The following FBXL7 variants were observed in gnomAD, a reference collection of about 807,000 sequenced individuals.
FBXL7 encodes F-box/LRR-repeat protein 7.
Under a neutral mutation model 38.3 loss-of-function variants are expected in FBXL7, and 12 were observed. That is an observed-to-expected ratio of 0.31 (90% CI 0.20 to 0.51). The LOEUF (loss-of-function observed/expected upper bound fraction) is 0.51, where lower values mean the gene tolerates loss of function less well. FBXL7 is among the 20% of genes least tolerant of loss of function. The pLI is 0.98. For missense variants in FBXL7, 567 were observed against 676.4 expected (o/e 0.84, Z 1.79); for synonymous variants, 297 against 300.9 (o/e 0.99, Z 0.13).
chr5:15,913,240 C>CTTT (rs71605517), intron 2 of FBXL7, among the ~76,000 whole-genome samples: 2,512 of 144,270 alleles, frequency 0.017, 46 homozygotes, highest in East Asian at 0.077. Context: ...ATCATATTTT[C>CTTT]TTTTTTTTTT....
intron 2 of FBXL7, among the ~76,000 whole-genome samples, chr5:15,851,271 T>C (rs911760736): frequency 9.2e-5 from 14 of 152,220 alleles, no homozygotes; most frequent in Admixed American, 7.9e-4. Flanking sequence ...TTGAAAGTGA[T>C]GCATAAATGG....
intron 1 of FBXL7, among the ~76,000 whole-genome samples, chr5:15,550,440 G>T: frequency 6.6e-6 from 1 of 152,076 alleles, no homozygotes; most frequent in East Asian, 1.9e-4. Context: ...ATAGGCCAAA[G>T]GATAGACTTC....
chr5:15,738,150 A>T (rs895679767), intron 2 of FBXL7, among the ~76,000 whole-genome samples: 1 of 152,118 alleles, frequency 6.6e-6, no homozygotes, highest in African/African-American at 2.4e-5. Context: ...GACTCTACAG[A>T]GTCACATGGC....
intron 2 of FBXL7, among the ~76,000 whole-genome samples, chr5:15,865,306 G>A (rs1467038579): frequency 6.6e-6 from 1 of 152,166 alleles, no homozygotes; most frequent in African/African-American, 2.4e-5. Flanking sequence ...GAGGTTGAAT[G>A]AGTACCATAG....
intron 2 of FBXL7, among the ~76,000 whole-genome samples, chr5:15,810,740 C>A (rs1174689764): frequency 6.6e-6 from 1 of 151,880 alleles, no homozygotes; most frequent in East Asian, 1.9e-4. Flanking sequence ...TAATACTTAC[C>A]AAAACTGAAA....
chr5:15,795,860 C>T (rs180717421), intron 2 of FBXL7, among the ~76,000 whole-genome samples: 5 of 152,248 alleles, frequency 3.3e-5, no homozygotes, highest in Admixed American at 1.3e-4. Flanking sequence ...CACACTCATC[C>T]GATTGCCACT....
rs778730953 is a variant in FBXL7, at chr5:15,928,173, C to T, written c.411C>T (p.Cys137=). Residue 137 remains cysteine (C), a synonymous_variant, in exon 3 of 4, where the codon TGC becomes TGT. Coordinates refer to ENST00000504595, the MANE Select transcript of FBXL7 (RefSeq NM_012304.5). This position sits in a 1 kb window ranked among gnomAD's most constrained non-coding sequence, Gnocchi z 4.0. ...SFLPTNQLCR[C]ARVCRRWYNL... Reference sequence around the variant, plus strand: ...TGCCCACCAACCAGCTGTGCCGCTGCGCGCGAGTGTGCCGCCGCTGGTACA... The same window carrying T: ...TGCCCACCAACCAGCTGTGCCGCTGTGCGCGAGTGTGCCGCCGCTGGTACA... 2 of 1,609,842 alleles carry T rather than the reference C, an allele frequency of 1.2e-6. No individual in the cohort carries two copies. Among genetic ancestry groups the T allele is most frequent in the East Asian group, 4.5e-5 (2 of 44,650 alleles).
At chr5:15,614,852 G>A (rs1344240819) in intron 1 of FBXL7, among the ~76,000 whole-genome samples, 1 of 152,154 alleles carries the variant, frequency 6.6e-6, no homozygotes, top group African/African-American at 2.4e-5. Context: ...AGCAGGAAGG[G>A]TCTCTCTCCT....
intron 2 of FBXL7, among the ~76,000 whole-genome samples, chr5:15,646,248 T>C (rs1378634270): frequency 6.6e-6 from 1 of 152,230 alleles, no homozygotes; most frequent in African/African-American, 2.4e-5. Context: ...ATTATTCTAG[T>C]TTCCAGTATG....
chr5:15,502,180 C>CG lies in FBXL7; in HGVS notation c.37+1473dup, dbSNP rs532234620. 4.1e-3 allele frequency among the ~76,000 whole-genome samples: 625 copies of CG among 152,148 alleles called. 1 individual carries two copies. Among genetic ancestry groups the CG allele is most frequent in the Middle Eastern group, 0.01 (3 of 294 alleles). Reference sequence around the variant, plus strand: ...TGGGTGTATGCTAGTTGAACACTGTCGGGGGGAGAAAGACAGCCCAAGGGG... The same window carrying CG: ...TGGGTGTATGCTAGTTGAACACTGTCGGGGGGGAGAAAGACAGCCCAAGGGG... On this transcript the variant is annotated intron_variant, in intron 1 of 3. Transcript: ENST00000504595.
At chr5:15,772,022 G>A (rs994071673) in intron 2 of FBXL7, among the ~76,000 whole-genome samples, 1 of 151,894 alleles carries the variant, frequency 6.6e-6, no homozygotes, top group Non-Finnish European at 1.5e-5. Flanking sequence ...CCACCCGCCT[G>A]GGCCTCCCAA....
chr5:15,512,556 G>A (rs998669461), intron 1 of FBXL7, among the ~76,000 whole-genome samples: 2 of 152,124 alleles, frequency 1.3e-5, no homozygotes, highest in Non-Finnish European at 2.9e-5. Flanking sequence ...TTTTACCCTC[G>A]TAAAAAGAAG....
At chr5:15,800,265 A>G (rs1737527414) in intron 2 of FBXL7, among the ~76,000 whole-genome samples, 1 of 152,130 alleles carries the variant, frequency 6.6e-6, no homozygotes, top group South Asian at 2.1e-4. Context: ...CCTCATCTCA[A>G]TAGGCTTCAC....
chr5:15,714,496 GTGTACAATGTGGAATACACAA>G (rs367929824), intron 2 of FBXL7, among the ~76,000 whole-genome samples: 2 of 150,328 alleles, frequency 1.3e-5, no homozygotes, highest in African/African-American at 5.0e-5. Flanking sequence ...GTAATGTGGA[GTGTACAATGTGGAATACACAA>G]TGTACAATAT....
intron 2 of FBXL7, among the ~76,000 whole-genome samples, chr5:15,691,891 C>T (rs1283940277): frequency 2.6e-5 from 4 of 152,154 alleles, no homozygotes; most frequent in Non-Finnish European, 5.9e-5. Flanking sequence ...ACTCCCGCAT[C>T]GCTGGATTTG....
chr5:15,893,115 CAAAAAAA>C (rs931760815), intron 2 of FBXL7, among the ~76,000 whole-genome samples: 17 of 71,634 alleles, frequency 2.4e-4, no homozygotes, highest in African/African-American at 7.8e-4. Flanking sequence ...GACTCTGTCT[CAAAAAAA>C]AAAAAAAAAG....
In FBXL7 at chr5:15,645,303, T is replaced by C. The variant is rs111777894; in HGVS notation, c.127+29231T>C. On this transcript the variant is annotated intron_variant, in intron 2 of 3. Transcript: ENST00000504595. The stretch of plus-strand genomic sequence containing the variant: ...CTTAGGGCCAACCTGCCTCCCATTC[T>C]ACTCAAAGTCACCCCTCTGCTCACT... Among the ~76,000 whole-genome samples, 751 of 152,282 alleles carry C rather than the reference T, an allele frequency of 4.9e-3. 6 individuals are homozygous for C. Among genetic ancestry groups the C allele is most frequent in the African/African-American group, 0.017 (702 of 41,562 alleles).
intron 2 of FBXL7, among the ~76,000 whole-genome samples, chr5:15,880,860 G>T (rs964916816): frequency 2.6e-5 from 4 of 151,138 alleles, no homozygotes; most frequent in Non-Finnish European, 5.9e-5. Context: ...AGTATGCTCT[G>T]TAGTATGCTC....
intron 2 of FBXL7, among the ~76,000 whole-genome samples, chr5:15,893,984 GC>G (rs1741015401): frequency 6.6e-6 from 1 of 152,232 alleles, no homozygotes; most frequent in Non-Finnish European, 1.5e-5. Context: ...CAGGCTGGCA[GC>G]CTTCATAGAA....
Sources: allele counts gnomAD v4.1 joint callset (sites outside exome capture counted in the v4.1 genomes callset), GRCh38; gene constraint gnomAD v4.1.1; non-coding constraint Gnocchi (gnomAD v3.1); transcripts MANE v1.5; gene names NCBI Gene and HGNC (gene_info 2026-07-23, HGNC 2026-07-21).